The following DLG2 variants were observed in gnomAD, a reference collection of about 807,000 sequenced individuals.
DLG2 encodes the protein disks large homolog 2.
A neutral mutation model predicts 132.5 loss-of-function variants in DLG2; 45 were observed. The observed-to-expected ratio is 0.34, with a 90% CI of 0.27 to 0.44. DLG2 has a LOEUF of 0.44. DLG2 is among the 20% of genes least tolerant of loss of function. The pLI, the probability that DLG2 is intolerant of heterozygous loss-of-function variation, is 1.00. For synonymous variants in DLG2, 424 were observed against 419.6 expected, an observed-to-expected ratio of 1.01 and a Z score of -0.13; for missense variants, 1,045 against 1,196.9, an observed-to-expected ratio of 0.87 and a Z score of 1.87.
chr11:84,393,252 T>C lies in DLG2; in HGVS notation c.519+141318A>G, dbSNP rs533481717. Among the ~76,000 whole-genome samples the C allele has an allele frequency of 8.0e-4, 122 of 152,224 alleles. 2 individuals carry two copies. In the South Asian group the frequency reaches 0.024, roughly 30 times the overall value. ...AAAACTTGTATAGCAAAGATGCATA[T>C]GGTATCATTTATTTATATATAAACT... On this transcript the variant is annotated intron_variant, in intron 7 of 27. Transcript: ENST00000376104.
intron 7 of DLG2, among the ~76,000 whole-genome samples, chr11:84,442,601 G>A (rs1349837370): frequency 6.6e-6 from 1 of 151,840 alleles, no homozygotes; most frequent in Non-Finnish European, 1.5e-5. Context: ...GATGGGTGCA[G>A]CAAACCACCA....
chr11:84,775,542 G>C (rs1395336325), intron 6 of DLG2, among the ~76,000 whole-genome samples: 1 of 152,072 alleles, frequency 6.6e-6, no homozygotes, highest in Non-Finnish European at 1.5e-5. Flanking sequence ...TGCCGGACTG[G>C]ATAAAGAAAA....
chr11:85,122,951 A>ATATATATATATATATAT (rs1555376301), intron 5 of DLG2, among the ~76,000 whole-genome samples: 53 of 33,444 alleles, frequency 1.6e-3, no homozygotes, highest in African/African-American at 2.6e-3. Flanking sequence ...TATATATATT[A>ATATATATATATATATAT]TATATATATA....
chr11:83,962,814 G>T, intron 14 of DLG2, 71 bp downstream of exon 14: 1 of 1,570,580 alleles, frequency 6.4e-7, no homozygotes, highest in South Asian at 1.1e-5. Context: ...AACAACACCT[G>T]ACATGTTAGG....
At chr11:84,922,929 A>C in intron 6 of DLG2, 1 of 911,452 alleles carries the variant, frequency 1.1e-6, no homozygotes. Context: ...CTGCACGGCA[A>C]CAATAAAACA....
At chr11:84,254,379 C>T (rs1049538752) in intron 7 of DLG2, among the ~76,000 whole-genome samples, 2 of 152,042 alleles carry the variant, frequency 1.3e-5, no homozygotes, top group African/African-American at 4.8e-5. Context: ...TCCAAGAAGA[C>T]TGTATGTCTA....
chr11:84,072,528 T>G (rs1489004264), intron 10 of DLG2, among the ~76,000 whole-genome samples: 2 of 152,102 alleles, frequency 1.3e-5, no homozygotes, highest in Non-Finnish European at 2.9e-5. Flanking sequence ...AAGGAAAACT[T>G]GGAGCAACTG....
chr11:84,451,270 G>C (rs2099050836), intron 7 of DLG2, among the ~76,000 whole-genome samples: 2 of 151,638 alleles, frequency 1.3e-5, no homozygotes, highest in African/African-American at 4.8e-5. Flanking sequence ...TTAAATTAAT[G>C]TCTTAGAAAT....
At chr11:84,534,217 G>T (rs1331950986) in intron 7 of DLG2, among the ~76,000 whole-genome samples, 2 of 152,136 alleles carry the variant, frequency 1.3e-5, no homozygotes, top group East Asian at 3.8e-4. Flanking sequence ...TGTTCCCTTT[G>T]TTGGACCACG....
Position 83,457,458 on chromosome 11 carries a change from A to G in DLG2, c.*2360T>C, listed in dbSNP as rs1338374990. ...AATCTACATAAAAAAATCAGTGCAA[A>G]TGCCAATTCTAATCTGAAAGCATCT... On this transcript the variant is annotated 3_prime_UTR_variant, in exon 28 of 28. Coordinates refer to ENST00000376104, the MANE Select transcript of DLG2 (RefSeq NM_001142699.3). 6.6e-6 allele frequency: 1 copy of G among 151,914 alleles called. No homozygotes were observed. Among genetic ancestry groups the G allele is most frequent in the Non-Finnish European group, 1.5e-5 (1 of 67,840 alleles). 9.4% of individuals were successfully genotyped at this position (151,914 alleles called of 1,614,324 possible).
At chr11:84,752,298 C>G (rs79498423) in intron 6 of DLG2, among the ~76,000 whole-genome samples, 3,540 of 152,186 alleles carry the variant, frequency 0.023, 54 homozygotes, top group Non-Finnish European at 0.035. Flanking sequence ...GTAAAAAAGA[C>G]AAAGTTCTGC....
intron 18 of DLG2, chr11:83,692,175 A>G (rs1423965144): frequency 6.6e-6 from 1 of 152,220 alleles, no homozygotes. Flanking sequence ...GTTTGTTGCC[A>G]TAATAGTCAT....
chr11:83,482,091 A>G (rs989210024), intron 22 of DLG2, among the ~76,000 whole-genome samples: 1 of 152,114 alleles, frequency 6.6e-6, no homozygotes, highest in Non-Finnish European at 1.5e-5. Context: ...AAAATTTTCT[A>G]TCATATTCCA....
At position 83,865,344 on chromosome 11, in the gene DLG2, C is replaced by T. The variant is rs148934245; in HGVS notation, c.1565+9076G>A. ...GTAGACAGGATAAATGACTCTTACC[C>T]AACCACCTTACAAAGCTGCTATTAG... On this transcript the variant is annotated intron_variant, in intron 16 of 27. Coordinates refer to ENST00000376104, the MANE Select transcript of DLG2 (RefSeq NM_001142699.3). Among the ~76,000 whole-genome samples, 8 of 152,076 alleles carry T rather than the reference C, an allele frequency of 5.3e-5. No homozygotes were observed. The East Asian group carries it at 1.5e-3, about 29-fold the overall frequency.
At chr11:85,534,085 T>G (rs1046025311) in intron 3 of DLG2, among the ~76,000 whole-genome samples, 10 of 152,046 alleles carry the variant, frequency 6.6e-5, no homozygotes, top group African/African-American at 2.2e-4. Flanking sequence ...CCTCCCAGGT[T>G]CAAGCAATTC....
intron 11 of DLG2, among the ~76,000 whole-genome samples, chr11:83,985,930 C>A (rs1226233407): frequency 1.3e-5 from 2 of 152,108 alleles, no homozygotes; most frequent in Non-Finnish European, 2.9e-5. Flanking sequence ...AATTGCCACA[C>A]TCTCTTCCAC....
chr11:84,281,102 T>C (rs1393348306), intron 7 of DLG2, among the ~76,000 whole-genome samples: 2 of 152,064 alleles, frequency 1.3e-5, no homozygotes, highest in Admixed American at 6.5e-5. Context: ...GCAGGGACAA[T>C]TGGTTATCCA....
At chr11:84,679,813 A>C (rs1172649015) in intron 6 of DLG2, among the ~76,000 whole-genome samples, 1 of 152,160 alleles carries the variant, frequency 6.6e-6, no homozygotes, top group Non-Finnish European at 1.5e-5. Flanking sequence ...ATTGGAATTC[A>C]GGCAGTCTGG....
At chr11:84,531,522 C>A (rs1301135753) in intron 7 of DLG2, among the ~76,000 whole-genome samples, 1 of 152,126 alleles carries the variant, frequency 6.6e-6, no homozygotes, top group Non-Finnish European at 1.5e-5. Context: ...TCAAACACAT[C>A]TTGTTTAGCA....
Sources: gnomAD v4.1 joint callset for allele counts (sites outside exome capture counted in the v4.1 genomes callset) on GRCh38, gnomAD v4.1.1 for gene constraint, MANE v1.5 for transcripts, NCBI Gene and HGNC (gene_info 2026-07-23, HGNC 2026-07-21) for gene names.